The following CCDC30 variants were observed in gnomAD, a reference collection of about 807,000 sequenced individuals.
The protein encoded by CCDC30 is coiled-coil domain containing 30.
Under a neutral mutation model 100.2 loss-of-function variants are expected in CCDC30, and 70 were observed. That is an observed-to-expected ratio of 0.70 (90% CI 0.58 to 0.85). The LOEUF (loss-of-function observed/expected upper bound fraction) is 0.85. CCDC30 is among the 40% of genes least tolerant of loss of function. CCDC30 has a pLI of 0.00. For missense variants in CCDC30, 652 were observed against 771.2 expected (o/e 0.85, Z 1.83); for synonymous variants, 233 against 269.5 (o/e 0.86, Z 1.33).
intron 10 of CCDC30, chr1:42,595,037 G>T (rs1646258059): frequency 6.6e-6 from 1 of 151,052 alleles, no homozygotes; most frequent in Admixed American, 6.6e-5. Context: ...TTTCAGATTG[G>T]TTTTTCTGCA....
chr1:42,487,664 C>T (rs1402042179), intron 3 of CCDC30, among the ~76,000 whole-genome samples: 1 of 152,056 alleles, frequency 6.6e-6, no homozygotes, highest in Non-Finnish European at 1.5e-5. Flanking sequence ...TAAATAATGA[C>T]TTTGAAGATG....
chr1:42,512,185 G>C (rs1644488560), intron 6 of CCDC30, among the ~76,000 whole-genome samples: 1 of 152,226 alleles, frequency 6.6e-6, no homozygotes, highest in African/African-American at 2.4e-5. Flanking sequence ...TTTCCACCCT[G>C]GGTGGGCCAG....
chr1:42,512,649 T>A (rs1018166199), intron 6 of CCDC30, among the ~76,000 whole-genome samples: 2 of 152,182 alleles, frequency 1.3e-5, no homozygotes, highest in Non-Finnish European at 2.9e-5. Context: ...ACAGGATAGC[T>A]GGAGATCCTT....
intron 8 of CCDC30, among the ~76,000 whole-genome samples, chr1:42,578,356 T>C (rs1645886873): frequency 6.6e-6 from 1 of 152,216 alleles, no homozygotes; most frequent in Non-Finnish European, 1.5e-5. Context: ...TGGTTATTCT[T>C]GTGACAGGTA....
At chr1:42,540,068 T>C (rs910615432) in intron 6 of CCDC30, among the ~76,000 whole-genome samples, 2 of 152,224 alleles carry the variant, frequency 1.3e-5, no homozygotes, top group Non-Finnish European at 2.9e-5. Flanking sequence ...CTTTCCTCGA[T>C]CACTCTTTTG....
At chr1:42,602,839 TAC>T (rs1284782220) in intron 10 of CCDC30, among the ~76,000 whole-genome samples, 2 of 152,186 alleles carry the variant, frequency 1.3e-5, no homozygotes, top group African/African-American at 4.8e-5. Context: ...ATAAGAAAAG[TAC>T]AGACCAGTAT....
At chr1:42,567,825 G>C (rs963756676) in intron 7 of CCDC30, among the ~76,000 whole-genome samples, 2 of 152,046 alleles carry the variant, frequency 1.3e-5, no homozygotes, top group African/African-American at 4.8e-5. Context: ...CATATGATTG[G>C]TACCCTATAA....
intron 9 of CCDC30, among the ~76,000 whole-genome samples, chr1:42,584,676 C>T (rs1646034451): frequency 1.3e-5 from 2 of 152,168 alleles, no homozygotes; most frequent in African/African-American, 4.8e-5. Flanking sequence ...TCATTATCAT[C>T]ATAATCTTCT....
chr1:42,500,100 T>C, intron 6 of CCDC30: 1 of 1,093,072 alleles, frequency 9.1e-7, no homozygotes, highest in South Asian at 1.2e-5. Context: ...TCATTTAAAC[T>C]TGATCCAACC....
chr1:42,531,296 T>C (rs1233018189), intron 6 of CCDC30, among the ~76,000 whole-genome samples: 1 of 152,192 alleles, frequency 6.6e-6, no homozygotes, highest in African/African-American at 2.4e-5. Context: ...ATGCTTCCTG[T>C]AGAGCCTGAG....
intron 9 of CCDC30, 73 bp from the exon 14 acceptor site, chr1:42,589,248 T>G: frequency 7.9e-7 from 1 of 1,265,776 alleles, no homozygotes; most frequent in Non-Finnish European, 1.1e-6. Flanking sequence ...TCCCTTGTGA[T>G]GCCATAAAAA....
intron 4 of CCDC30, chr1:42,491,909 T>A: frequency 1.9e-6 from 1 of 521,118 alleles, no homozygotes; most frequent in Non-Finnish European, 3.4e-6. Flanking sequence ...GAACCAAAAT[T>A]GCATCTGATA....
chr1:42,516,571 C>CAAAAAAAAA, intron 6 of CCDC30, among the ~76,000 whole-genome samples: 1 of 102,162 alleles, frequency 9.8e-6, no homozygotes, highest in Non-Finnish European at 1.9e-5. Flanking sequence ...GACTCCATCT[C>CAAAAAAAAA]AAAAAAAAAA....
upstream of CCDC30, chr1:42,460,230 G>T (rs1488452000): frequency 9.4e-6 from 10 of 1,061,800 alleles, no homozygotes; most frequent in Non-Finnish European, 1.0e-5. Context: ...ATAGAAAAAG[G>T]ATTATGGATG....
At chr1:42,638,577 GAAAA>G (rs1226283781) in intron 12 of CCDC30, among the ~76,000 whole-genome samples, 1 of 130,694 alleles carries the variant, frequency 7.7e-6, no homozygotes, top group Non-Finnish European at 1.7e-5. Flanking sequence ...AAAAAAAAAA[GAAAA>G]GAAAAGAAGA....
intron 6 of CCDC30, among the ~76,000 whole-genome samples, chr1:42,512,989 C>G (rs1165917983): frequency 6.6e-6 from 1 of 152,116 alleles, no homozygotes; most frequent in Non-Finnish European, 1.5e-5. Context: ...AAATGGAGGC[C>G]AAGAACCTCA....
intron 15 of CCDC30, among the ~76,000 whole-genome samples, chr1:42,649,920 C>T (rs1361949976): frequency 6.6e-6 from 1 of 152,052 alleles, no homozygotes; most frequent in African/African-American, 2.4e-5. Flanking sequence ...CTTAAAACTA[C>T]AAAACTTTGA....
chr1:42,550,446 C>G lies in CCDC30; in HGVS notation c.457-15850C>G, dbSNP rs113382920. On this transcript the variant is annotated intron_variant, in intron 6 of 16. Transcript: ENST00000668663. ...TTAAAATCTAAACCATTACCATGAC[C>G]CATAAGGCCCTCCATGACTTGGCCT... 6.2e-3 allele frequency among the ~76,000 whole-genome samples: 946 copies of G among 152,288 alleles called. 6 individuals are homozygous for G. Among genetic ancestry groups the G allele is most frequent in the African/African-American group, 0.021 (883 of 41,554 alleles).
intron 6 of CCDC30, among the ~76,000 whole-genome samples, chr1:42,512,595 T>C (rs773851782): frequency 6.6e-6 from 1 of 152,148 alleles, no homozygotes; most frequent in African/African-American, 2.4e-5. Context: ...AGAGAGAGGA[T>C]AGGAGACATG....
Sources: allele counts gnomAD v4.1 joint callset (sites outside exome capture counted in the v4.1 genomes callset), GRCh38; gene constraint gnomAD v4.1.1; transcripts MANE v1.5; gene names NCBI Gene and HGNC (gene_info 2026-07-23, HGNC 2026-07-21).